NEO1: variants seen among roughly 807,000 people sequenced by gnomAD.
NEO1 encodes the protein neogenin.
In NEO1, 63 loss-of-function variants were observed where a neutral mutation model predicts 159.7. The ratio of observed to expected loss-of-function variants is 0.39; its 90% CI spans 0.32 to 0.49. The LOEUF (loss-of-function observed/expected upper bound fraction) is 0.49. Ranked by LOEUF, NEO1 falls within the 20% of genes least tolerant of loss-of-function variation. The pLI is 0.85. For synonymous variants in NEO1, 633 were observed against 662.0 expected (o/e 0.96, Z 0.67); for missense variants, 1,615 against 1,831.0 (o/e 0.88, Z 2.15).
chr15:73,233,989 T>A (rs2039046643), intron 7 of NEO1, among the ~76,000 whole-genome samples: 1 of 152,092 alleles, frequency 6.6e-6, no homozygotes, highest in African/African-American at 2.4e-5. Context: ...AAGAGTCAAG[T>A]TTTGAACATA....
At chr15:73,226,151 T>C (rs2038579181) in intron 7 of NEO1, among the ~76,000 whole-genome samples, 1 of 152,134 alleles carries the variant, frequency 6.6e-6, no homozygotes, top group Non-Finnish European at 1.5e-5. Flanking sequence ...GTATTTGGGG[T>C]GTCTCCCAGG....
chr15:73,210,924 T>G (rs2037520201), intron 7 of NEO1, among the ~76,000 whole-genome samples: 1 of 152,242 alleles, frequency 6.6e-6, no homozygotes, highest in African/African-American at 2.4e-5. Flanking sequence ...GTTCTGTTAG[T>G]TTTTAGTCAT....
Position 73,056,816 on chromosome 15 carries a change from A to G in NEO1, c.130+4011A>G, listed in dbSNP as rs139638175. Among the ~76,000 whole-genome samples, 954 of 152,144 alleles carry G rather than the reference A, an allele frequency of 6.3e-3. 11 individuals are homozygous for G. The highest frequency in any genetic ancestry group is 0.022 in the African/African-American group (906 of 41,522). ...GTTTTAGCGTTTTTTTAGTTTTGTCATCTTTGGAAAGATCTTTGATCTTAC... is the reference window on the plus strand; with the variant it reads ...GTTTTAGCGTTTTTTTAGTTTTGTCGTCTTTGGAAAGATCTTTGATCTTAC... On this transcript the variant is annotated intron_variant, in intron 1 of 28. Transcript: ENST00000261908.
chr15:73,280,004 GTGAAA>G (rs1428179224), intron 22 of NEO1, among the ~76,000 whole-genome samples: 4 of 152,154 alleles, frequency 2.6e-5, no homozygotes, highest in African/African-American at 9.7e-5. Context: ...CAAATAACAT[GTGAAA>G]TATCTGACAC....
chr15:73,182,708 A>G (rs1368278873), intron 7 of NEO1, among the ~76,000 whole-genome samples: 1 of 152,106 alleles, frequency 6.6e-6, no homozygotes, highest in African/African-American at 2.4e-5. Context: ...TTTACTCACT[A>G]CCACAAGAAC....
intron 18 of NEO1, among the ~76,000 whole-genome samples, chr15:73,272,225 G>A (rs1418552546): frequency 1.3e-5 from 2 of 152,118 alleles, no homozygotes; most frequent in African/African-American, 2.4e-5. Context: ...CTGACTCCCA[G>A]CCAAGATGCC....
intron 1 of NEO1, among the ~76,000 whole-genome samples, chr15:73,104,635 A>G (rs1052322162): frequency 6.6e-6 from 1 of 152,236 alleles, no homozygotes; most frequent in African/African-American, 2.4e-5. Context: ...GTTACTTGAA[A>G]TAAGCTATAT....
chr15:73,250,520 C>T (rs1596478302), intron 11 of NEO1, among the ~76,000 whole-genome samples: 1 of 152,148 alleles, frequency 6.6e-6, no homozygotes, highest in Non-Finnish European at 1.5e-5. Context: ...ACTGACATCA[C>T]GTGCCCCCTT....
intron 26 of NEO1, among the ~76,000 whole-genome samples, chr15:73,293,926 T>C (rs2252725): frequency 0.44 from 66,824 of 151,960 alleles, 14,784 homozygotes; most frequent in East Asian, 0.61. Context: ...TGGCAGTCAC[T>C]GTAACATTGG....
chr15:73,274,773 T>TTA, intron 21 of NEO1, 49 bp downstream of exon 21: 1 of 1,534,386 alleles, frequency 6.5e-7, no homozygotes, highest in Non-Finnish European at 8.8e-7. Context: ...TTGTGACCTA[T>TTA]TATTAGCTTT....
intron 5 of NEO1, among the ~76,000 whole-genome samples, chr15:73,137,406 A>G (rs1420589177): frequency 6.6e-6 from 1 of 152,228 alleles, no homozygotes; most frequent in Non-Finnish European, 1.5e-5. Flanking sequence ...AGCAATCTGC[A>G]TGATAGAGAA....
At chr15:73,058,291 A>G (rs745901410) in intron 1 of NEO1, among the ~76,000 whole-genome samples, 1 of 152,216 alleles carries the variant, frequency 6.6e-6, no homozygotes, top group Non-Finnish European at 1.5e-5. Context: ...TGTGAGGAAG[A>G]TGACAATTTC....
chr15:73,161,886 C>G, intron 5 of NEO1: 1 of 204,930 alleles, frequency 4.9e-6, no homozygotes, highest in Non-Finnish European at 1.0e-5. Flanking sequence ...AGAAAACCAG[C>G]TTTTTCTGTA....
chr15:73,154,253 G>A (rs1016209455), intron 5 of NEO1, among the ~76,000 whole-genome samples: 3 of 151,818 alleles, frequency 2.0e-5, no homozygotes, highest in Non-Finnish European at 4.4e-5. Flanking sequence ...TATTTATCGG[G>A]TACATGAGAT....
At chr15:73,100,725 A>G (rs922244316) in intron 1 of NEO1, among the ~76,000 whole-genome samples, 6 of 152,154 alleles carry the variant, frequency 3.9e-5, no homozygotes, top group African/African-American at 7.2e-5. Flanking sequence ...TTCCTTTTCT[A>G]CTTTATAAAA....
intron 7 of NEO1, among the ~76,000 whole-genome samples, chr15:73,185,128 G>A (rs2035848353): frequency 6.6e-6 from 1 of 152,122 alleles, no homozygotes; most frequent in Non-Finnish European, 1.5e-5. Context: ...GCCAGGGTTT[G>A]GGAGGAGAGA....
At chr15:73,124,634 C>T (rs1045189482) in intron 3 of NEO1, among the ~76,000 whole-genome samples, 1 of 152,160 alleles carries the variant, frequency 6.6e-6, no homozygotes, top group Non-Finnish European at 1.5e-5. Context: ...CACTGTCTTA[C>T]CTCTCTGCTC....
chr15:73,165,099 T>TC (rs1479597462), intron 5 of NEO1, among the ~76,000 whole-genome samples: 25 of 150,966 alleles, frequency 1.7e-4, no homozygotes, highest in Non-Finnish European at 3.4e-4. Flanking sequence ...GCCAATTTTT[T>TC]TTTTTTTTTT....
At chr15:73,161,160 C>G (rs1056624968) in intron 5 of NEO1, among the ~76,000 whole-genome samples, 4 of 152,162 alleles carry the variant, frequency 2.6e-5, no homozygotes, top group African/African-American at 9.6e-5. Flanking sequence ...GAGTTTGTGT[C>G]ATACTTAGTC....
Sources: allele counts gnomAD v4.1 joint callset (sites outside exome capture counted in the v4.1 genomes callset), GRCh38; gene constraint gnomAD v4.1.1; transcripts MANE v1.5; gene names NCBI Gene and HGNC (gene_info 2026-07-23, HGNC 2026-07-21).